The following LIMCH1 variants were observed in gnomAD, a reference collection of about 807,000 sequenced individuals.
LIMCH1 encodes LIM and calponin homology domains-containing protein 1.
Under a neutral mutation model 176.5 loss-of-function variants are expected in LIMCH1, and 113 were observed. The ratio of observed to expected loss-of-function variants is 0.64; its 90% CI spans 0.55 to 0.75. LIMCH1 has a LOEUF of 0.75. Among genes scored for constraint, LIMCH1 ranks in the 30% least tolerant of loss-of-function variants. The probability of loss-of-function intolerance (pLI) is 0.00; values close to 1 mark genes in which losing one functional copy is unlikely to be tolerated. For missense variants in LIMCH1, 1,674 were observed against 1,814.9 expected (o/e 0.92, Z 1.41); for synonymous variants, 619 against 645.9 (o/e 0.96, Z 0.63).
rs183716878 is a variant in LIMCH1, at chr4:41,529,663, C to T, written c.237+5185C>T. Among the ~76,000 whole-genome samples the T allele has an allele frequency of 2.6e-5, 4 of 152,280 alleles. No individual in the cohort carries two copies. The East Asian group carries it at 7.7e-4, about 29-fold the overall frequency. On this transcript the variant is annotated intron_variant, in intron 3 of 26. Transcript: ENST00000313860. ...CCTTGGTTATTACATATACACTGTT[C>T]CCAGTTGAAGATGGGACACATTTTA...
chr4:41,424,223 A>G (rs186204367), intron 1 of LIMCH1, among the ~76,000 whole-genome samples: 33 of 152,140 alleles, frequency 2.2e-4, no homozygotes, highest in Non-Finnish European at 4.6e-4. Context: ...TAATGATTCA[A>G]GCAGTGATCA....
chr4:41,544,221 G>A (rs1264957276), intron 1 of LIMCH1, among the ~76,000 whole-genome samples: 3 of 152,120 alleles, frequency 2.0e-5, no homozygotes, highest in Admixed American at 6.6e-5. Context: ...AACAAATAGA[G>A]CTGTTGAAAG....
chr4:41,610,380 A>G (rs2091283111), intron 4 of LIMCH1, among the ~76,000 whole-genome samples: 1 of 152,174 alleles, frequency 6.6e-6, no homozygotes, highest in Non-Finnish European at 1.5e-5. Flanking sequence ...GCCTTCCCTG[A>G]TGGTAAATTA....
At chr4:41,566,223 G>A (rs995335667) in intron 1 of LIMCH1, among the ~76,000 whole-genome samples, 1 of 152,098 alleles carries the variant, frequency 6.6e-6, no homozygotes, top group Admixed American at 6.5e-5. Context: ...TCTTGTTAAT[G>A]TTGATATTTT....
At chr4:41,532,703 C>T (rs2077460038) in intron 3 of LIMCH1, among the ~76,000 whole-genome samples, 1 of 152,180 alleles carries the variant, frequency 6.6e-6, no homozygotes, top group Non-Finnish European at 1.5e-5. Context: ...AGTTAGTCCC[C>T]TTGCGCATCT....
rs9994649 is a variant in LIMCH1 at position 41,545,444 on chromosome 4, T to C, written c.-241+7094T>C. ...TTCGTCAGTACGAGGGGAGAGTTAC[T>C]GTGGAAAGTGAAGGGCAGTGATCAT... On this transcript the variant is annotated intron_variant, in intron 1 of 31. Coordinates refer to ENST00000503057, the MANE Select transcript of LIMCH1 (RefSeq NM_001330672.2). Among the ~76,000 whole-genome samples the C allele has an allele frequency of 2.2e-3, 334 of 152,314 alleles. 2 individuals carry two copies. Among genetic ancestry groups the C allele is most frequent in the African/African-American group, 7.6e-3 (318 of 41,576 alleles).
chr4:41,376,240 T>C (rs1014208499), intron 1 of LIMCH1, among the ~76,000 whole-genome samples: 1 of 152,232 alleles, frequency 6.6e-6, no homozygotes, highest in African/African-American at 2.4e-5. Context: ...TGTTTAGGTA[T>C]GGTGTCAAGT....
chr4:41,367,684 C>CAAAAAAAAAAAA (rs35832745), intron 1 of LIMCH1, among the ~76,000 whole-genome samples: 29 of 96,464 alleles, frequency 3.0e-4, no homozygotes, highest in African/African-American at 3.6e-4. Flanking sequence ...ACTAAAAATC[C>CAAAAAAAAAAAA]AAAAAAAAAA....
intron 7 of LIMCH1, among the ~76,000 whole-genome samples, chr4:41,626,199 C>T (rs2092938409): frequency 6.6e-6 from 1 of 152,128 alleles, no homozygotes; most frequent in African/African-American, 2.4e-5. Context: ...GTTAGCTCAG[C>T]TCTGAAGAAA....
intron 2 of LIMCH1, among the ~76,000 whole-genome samples, chr4:41,600,400 G>A (rs964064403): frequency 3.3e-5 from 5 of 152,182 alleles, no homozygotes; most frequent in African/African-American, 1.2e-4. Flanking sequence ...AGAAACAATA[G>A]CAACTGTGCA....
At chr4:41,407,498 G>C (rs780273985) in intron 1 of LIMCH1, among the ~76,000 whole-genome samples, 1 of 152,156 alleles carries the variant, frequency 6.6e-6, no homozygotes, top group African/African-American at 2.4e-5. Context: ...CCAAAGTGCC[G>C]GGTTTACAGG....
chr4:41,404,949 A>C (rs6447065), intron 1 of LIMCH1, among the ~76,000 whole-genome samples: 136,399 of 152,162 alleles, frequency 0.9, 61,485 homozygotes, highest in East Asian at 0.99. Context: ...GAGTGCTGAT[A>C]TATTTTATTG....
In LIMCH1 at chr4:41,691,007, A is replaced by G. The variant is rs145176154; in HGVS notation, c.4276-1275A>G. On this transcript the variant is annotated intron_variant, in intron 30 of 31. Transcript: ENST00000503057. Reference sequence around the variant, plus strand: ...ATAATATGCATTCTGAGAACACTGCATTCTGTTCTCAGAAACTTTATGAGG... The same window carrying G: ...ATAATATGCATTCTGAGAACACTGCGTTCTGTTCTCAGAAACTTTATGAGG... 4.6e-3 allele frequency among the ~76,000 whole-genome samples: 698 copies of G among 152,268 alleles called. 4 individuals carry two copies. Among genetic ancestry groups the G allele is most frequent in the South Asian group, 8.1e-3 (39 of 4,814 alleles).
intron 1 of LIMCH1, among the ~76,000 whole-genome samples, chr4:41,583,127 C>T (rs1332171488): frequency 1.3e-5 from 2 of 152,184 alleles, no homozygotes; most frequent in Non-Finnish European, 2.9e-5. Flanking sequence ...AAACATCTTT[C>T]TCTACATCTG....
At chr4:41,363,728 C>T (rs2052526411) in intron 1 of LIMCH1, among the ~76,000 whole-genome samples, 1 of 152,138 alleles carries the variant, frequency 6.6e-6, no homozygotes, top group African/African-American at 2.4e-5. Context: ...CTCACTCCTT[C>T]CTTAGTTGGC....
intron 2 of LIMCH1, among the ~76,000 whole-genome samples, chr4:41,494,967 G>A (rs2071821811): frequency 6.6e-6 from 1 of 152,178 alleles, no homozygotes; most frequent in South Asian, 2.1e-4. Flanking sequence ...AAAGCAGCTT[G>A]TGCCAAAATA....
At chr4:41,414,946 C>T (rs914926875) in intron 1 of LIMCH1, among the ~76,000 whole-genome samples, 2 of 152,110 alleles carry the variant, frequency 1.3e-5, no homozygotes, top group Non-Finnish European at 1.5e-5. Context: ...GAGTCCAGGT[C>T]TTTCTTGCCG....
chr4:41,491,531 A>G (rs368398624), intron 1 of LIMCH1, among the ~76,000 whole-genome samples: 34 of 146,098 alleles, frequency 2.3e-4, no homozygotes, highest in African/African-American at 8.4e-4. Flanking sequence ...CTCACATCCC[A>G]TACTGGGCGG....
chr4:41,457,908 A>T (rs552231504), intron 1 of LIMCH1, among the ~76,000 whole-genome samples: 1 of 152,332 alleles, frequency 6.6e-6, no homozygotes, highest in South Asian at 2.1e-4. Flanking sequence ...TATAAGGCAA[A>T]TAATGGATAA....
Sources: gnomAD v4.1 joint callset for allele counts (sites outside exome capture counted in the v4.1 genomes callset) on GRCh38, gnomAD v4.1.1 for gene constraint, MANE v1.5 for transcripts, NCBI Gene and HGNC (gene_info 2026-07-23, HGNC 2026-07-21) for gene names.